Variants in NAALADL2 observed in about 807,000 individuals in gnomAD.
NAALADL2 encodes the protein N-acetylated alpha-linked acidic dipeptidase like 2.
In NAALADL2, 76 loss-of-function variants were observed where a neutral mutation model predicts 87.2. That is an observed-to-expected ratio of 0.87 (90% CI 0.72 to 1.05). The LOEUF (loss-of-function observed/expected upper bound fraction) is 1.05. NAALADL2 is among the 50% of genes least tolerant of loss of function. The probability of loss-of-function intolerance (pLI) is 0.00; values close to 1 mark genes in which losing one functional copy is unlikely to be tolerated. For synonymous variants in NAALADL2, 354 were observed against 331.0 expected, an observed-to-expected ratio of 1.07 and a Z score of -0.75; for missense variants, 1,089 against 945.8, an observed-to-expected ratio of 1.15 and a Z score of -1.99.
chr3:174,576,029 A>G (rs1715493452), intron 2 of NAALADL2, among the ~76,000 whole-genome samples: 1 of 151,942 alleles, frequency 6.6e-6, no homozygotes, highest in Admixed American at 6.6e-5. Context: ...ATGCCTGGCT[A>G]ATTTTGTATT....
At chr3:174,825,138 AAGG>A (rs896650536) in intron 3 of NAALADL2, among the ~76,000 whole-genome samples, 4 of 152,310 alleles carry the variant, frequency 2.6e-5, no homozygotes, top group East Asian at 1.9e-4. Context: ...ATATTTATAA[AAGG>A]AGAATAATTT....
At chr3:174,590,786 TTGG>T (rs1281426157) in intron 2 of NAALADL2, among the ~76,000 whole-genome samples, 1 of 152,158 alleles carries the variant, frequency 6.6e-6, no homozygotes, top group Non-Finnish European at 1.5e-5. Flanking sequence ...GTTGTTGTTG[TTGG>T]TATGAGGATT....
intron 2 of NAALADL2, among the ~76,000 whole-genome samples, chr3:175,153,056 A>C (rs1042303443): frequency 6.6e-6 from 1 of 152,232 alleles, no homozygotes; most frequent in Admixed American, 6.5e-5. Context: ...CCTATCTCTT[A>C]TATTTTCATA....
At position 175,447,255 on chromosome 3, in the gene NAALADL2, A is replaced by G. The variant is rs1720852649; in HGVS notation, c.1117A>G (p.Asn373Asp). Residue 373 changes from asparagine to aspartate, a missense_variant, in exon 6 of 14, where the codon AAC (asparagine) becomes GAC (aspartate). Coordinates refer to ENST00000454872, the MANE Select transcript of NAALADL2 (RefSeq NM_207015.3). The stretch of plus-strand genomic sequence containing the variant: ...TGAAAGTTTTAGACAAAGCCGATCA[A>G]ACCTCACCTCTCTATTAGTGCAGCC... Reference protein sequence around the residue: ...VDESFRQSRSNLTSLLVQPIS... With the variant: ...VDESFRQSRSDLTSLLVQPIS... The G allele has an allele frequency of 6.2e-7, 1 of 1,600,318 alleles. No homozygotes were observed.
At chr3:175,758,130 G>A (rs1464052561) in intron 13 of NAALADL2, among the ~76,000 whole-genome samples, 1 of 151,952 alleles carries the variant, frequency 6.6e-6, no homozygotes, top group African/African-American at 2.4e-5. Context: ...TAGAAAAGTA[G>A]ATATTTGTCT....
chr3:175,384,614 A>G (rs1303437832), intron 5 of NAALADL2, among the ~76,000 whole-genome samples: 3 of 151,940 alleles, frequency 2.0e-5, no homozygotes, highest in Non-Finnish European at 2.9e-5. Context: ...TCAAATAAGA[A>G]TTATCCACAC....
chr3:174,901,267 T>C (rs924113118), intron 1 of NAALADL2, among the ~76,000 whole-genome samples: 2 of 152,278 alleles, frequency 1.3e-5, no homozygotes, highest in East Asian at 1.9e-4. Flanking sequence ...TATAATTCTA[T>C]GGGGAATTTA....
At chr3:174,826,113 T>C (rs888291933) in intron 3 of NAALADL2, among the ~76,000 whole-genome samples, 1 of 152,184 alleles carries the variant, frequency 6.6e-6, no homozygotes, top group Non-Finnish European at 1.5e-5. Flanking sequence ...CAAAATCTTT[T>C]GACATCTCTT....
chr3:175,311,562 T>C (rs1758364633), intron 4 of NAALADL2, among the ~76,000 whole-genome samples: 2 of 152,102 alleles, frequency 1.3e-5, no homozygotes, highest in South Asian at 4.1e-4. Flanking sequence ...TCAGTATATC[T>C]TATGAAACAG....
chr3:174,734,402 C>A (rs1732993330), intron 2 of NAALADL2, among the ~76,000 whole-genome samples: 1 of 152,124 alleles, frequency 6.6e-6, no homozygotes, highest in South Asian at 2.1e-4. Context: ...GTGGATTAAA[C>A]AACAGGAATT....
intron 2 of NAALADL2, among the ~76,000 whole-genome samples, chr3:174,562,028 T>C (rs1206417530): frequency 6.6e-6 from 1 of 152,184 alleles, no homozygotes; most frequent in African/African-American, 2.4e-5. Context: ...AAATTTTTAA[T>C]ATTAAAAGAA....
chr3:174,697,800 A>G (rs1729170231), intron 2 of NAALADL2, among the ~76,000 whole-genome samples: 1 of 152,152 alleles, frequency 6.6e-6, no homozygotes, highest in Non-Finnish European at 1.5e-5. Flanking sequence ...TAAAATAAAT[A>G]CCAATAAATG....
intron 4 of NAALADL2, among the ~76,000 whole-genome samples, chr3:175,299,346 A>T (rs1053102725): frequency 2.6e-5 from 4 of 151,814 alleles, no homozygotes; most frequent in Non-Finnish European, 5.9e-5. Flanking sequence ...TGGTAGCTTG[A>T]TGGGGATAGC....
chr3:175,553,428 A>G (rs757749541), intron 9 of NAALADL2, among the ~76,000 whole-genome samples: 11 of 152,138 alleles, frequency 7.2e-5, no homozygotes, highest in Non-Finnish European at 1.6e-4. Flanking sequence ...AAATCCTTCC[A>G]TGTATTTTAG....
At chr3:174,780,716 C>T (rs550705648) in intron 3 of NAALADL2, among the ~76,000 whole-genome samples, 42 of 152,018 alleles carry the variant, frequency 2.8e-4, no homozygotes, top group Admixed American at 2.7e-3. Context: ...TATCAAAGGC[C>T]TTTTCTGCAC....
intron 13 of NAALADL2, among the ~76,000 whole-genome samples, chr3:175,785,343 C>G (rs1440191226): frequency 3.5e-4 from 51 of 147,168 alleles, no homozygotes; most frequent in African/African-American, 1.2e-3. Context: ...GAGTCTAAGT[C>G]TCTTTGTAGG....
At chr3:175,763,548 G>A (rs1054971750) in intron 13 of NAALADL2, among the ~76,000 whole-genome samples, 1 of 152,110 alleles carries the variant, frequency 6.6e-6, no homozygotes, top group African/African-American at 2.4e-5. Context: ...TTTATTTAAA[G>A]TGATTGGACT....
intron 3 of NAALADL2, among the ~76,000 whole-genome samples, chr3:174,819,274 AGGC>A (rs1721160929): frequency 1.3e-5 from 2 of 151,736 alleles, no homozygotes; most frequent in Non-Finnish European, 2.9e-5. Context: ...CATGTTGCCC[AGGC>A]TGGTTTTGAA....
At chr3:175,075,118 T>C (rs781327914) in intron 1 of NAALADL2, among the ~76,000 whole-genome samples, 3 of 152,112 alleles carry the variant, frequency 2.0e-5, no homozygotes, top group Non-Finnish European at 4.4e-5. Context: ...AGCTGGGTTT[T>C]ATTATTACCA....
Sources: gnomAD v4.1 joint callset for allele counts (sites outside exome capture counted in the v4.1 genomes callset) on GRCh38, gnomAD v4.1.1 for gene constraint, MANE v1.5 for transcripts, NCBI Gene and HGNC (gene_info 2026-07-23, HGNC 2026-07-21) for gene names.